Variants in CPNE5 observed in about 807,000 individuals in gnomAD.
The protein encoded by CPNE5 is copine-5.
Under a neutral mutation model 81.1 loss-of-function variants are expected in CPNE5, and 42 were observed. That is an observed-to-expected ratio of 0.52 (90% confidence interval 0.40 to 0.67). The LOEUF (loss-of-function observed/expected upper bound fraction) is 0.67. CPNE5 is among the 30% of genes least tolerant of loss of function. CPNE5 has a pLI of 0.00. For missense variants in CPNE5, 612 were observed against 815.5 expected (o/e 0.75, Z 3.04); for synonymous variants, 313 against 321.5 (o/e 0.97, Z 0.28).
rs1562084204 is a variant in CPNE5 at position 36,745,443 on chromosome 6, T to C, written c.1273A>G (p.Thr425Ala). 3.7e-6 allele frequency: 6 copies of C among 1,604,906 alleles called. No individual in the cohort carries two copies. The highest frequency in any genetic ancestry group is 5.1e-6 in the Non-Finnish European group (6 of 1,176,440). ...TTGGTGGGGCCGTACAGCTGCACAGTGCGCAGGCTGCGGTGGTAGGCCTCC... is the reference window on the plus strand; with the variant it reads ...TTGGTGGGGCCGTACAGCTGCACAGCGCGCAGGCTGCGGTGGTAGGCCTCC... ...ILEAYHRSLRTVQLYGPTNFA... is the reference protein window; with the variant it reads ...ILEAYHRSLRAVQLYGPTNFA... Residue 425 changes from threonine to alanine, a missense_variant, in exon 17 of 21, where the codon ACT becomes GCT. Thr to Ala is a moderately conservative substitution (Grantham distance 58, BLOSUM62 0). Coordinates refer to ENST00000244751, the MANE Select transcript of CPNE5 (RefSeq NM_020939.2).
At chr6:36,787,606 T>C (rs761606035) in intron 8 of CPNE5, among the ~76,000 whole-genome samples, 3 of 152,128 alleles carry the variant, frequency 2.0e-5, no homozygotes, top group Non-Finnish European at 4.4e-5. Flanking sequence ...TGATTGCCGG[T>C]TGGCATTTCC....
chr6:36,814,715 C>A lies in CPNE5; in HGVS notation c.183+7399G>T, dbSNP rs146726093. On this transcript the variant is annotated intron_variant, in intron 3 of 20. Coordinates refer to ENST00000244751, the MANE Select transcript of CPNE5 (RefSeq NM_020939.2). The stretch of plus-strand genomic sequence containing the variant: ...CAGAAGGGGATGGCGGGGACACATG[C>A]TGTCCAGGAGGGTGCTCAGGTTGGT... Among the ~76,000 whole-genome samples, 245 of 152,302 alleles carry A rather than the reference C, an allele frequency of 1.6e-3. 1 individual carries two copies. Among genetic ancestry groups the A allele is most frequent in the African/African-American group, 5.4e-3 (226 of 41,564 alleles).
At chr6:36,828,531 T>C (rs927776842) in intron 1 of CPNE5, among the ~76,000 whole-genome samples, 6 of 152,180 alleles carry the variant, frequency 3.9e-5, no homozygotes, top group Non-Finnish European at 8.8e-5. Flanking sequence ...CCAGAAGTGC[T>C]GCATCAATGC....
At chr6:36,749,672 AAC>A (rs1491120283) in intron 14 of CPNE5, among the ~76,000 whole-genome samples, 1 of 150,248 alleles carries the variant, frequency 6.7e-6, no homozygotes, top group African/African-American at 2.4e-5. Context: ...AAAAAAAAAA[AAC>A]CCACTAAAAT....
chr6:36,786,843 G>A (rs576121739), intron 8 of CPNE5, among the ~76,000 whole-genome samples: 33 of 152,284 alleles, frequency 2.2e-4, no homozygotes, highest in African/African-American at 6.7e-4. Context: ...ACATCAAAAT[G>A]TCAACAGTGA....
intron 4 of CPNE5, among the ~76,000 whole-genome samples, chr6:36,798,727 G>C (rs931736766): frequency 6.6e-6 from 1 of 152,112 alleles, no homozygotes. Context: ...AAAATGCATC[G>C]TGGAGTAGGC....
chr6:36,761,327 T>G (rs1211403717), intron 12 of CPNE5, among the ~76,000 whole-genome samples: 1 of 152,234 alleles, frequency 6.6e-6, no homozygotes, highest in Non-Finnish European at 1.5e-5. Context: ...ATCTTCACAA[T>G]AGCCATGTTC....
intron 10 of CPNE5, among the ~76,000 whole-genome samples, chr6:36,768,315 A>T (rs192560762): frequency 4.9e-4 from 67 of 135,378 alleles, no homozygotes; most frequent in African/African-American, 1.7e-3. Flanking sequence ...GCTCACTGCA[A>T]CCTCCACCTC....
intron 3 of CPNE5, among the ~76,000 whole-genome samples, chr6:36,803,648 A>T (rs539056954): frequency 6.6e-6 from 1 of 152,172 alleles, no homozygotes; most frequent in Admixed American, 6.5e-5. Flanking sequence ...ATTCCTGATC[A>T]CCTATATGTG....
intron 3 of CPNE5, among the ~76,000 whole-genome samples, chr6:36,809,477 G>A (rs1770903898): frequency 6.6e-6 from 1 of 152,158 alleles, no homozygotes; most frequent in Non-Finnish European, 1.5e-5. Flanking sequence ...TTGGGAGGCT[G>A]AGGCAGAAGG....
At chr6:36,838,477 G>A (rs773753622) in intron 1 of CPNE5, among the ~76,000 whole-genome samples, 3 of 152,234 alleles carry the variant, frequency 2.0e-5, no homozygotes, top group Non-Finnish European at 4.4e-5. Flanking sequence ...CTAGCTAGGA[G>A]AACCTGGGGT....
intron 18 of CPNE5, 62 bp downstream of exon 18, chr6:36,744,986 T>C (rs1582680694): frequency 1.7e-6 from 2 of 1,174,476 alleles, no homozygotes; most frequent in Admixed American, 1.7e-5. Flanking sequence ...TCCCCAGGGT[T>C]CCCCTAACGG....
chr6:36,745,360 G>A, intron 17 of CPNE5, 28 bp downstream of exon 17: 1 of 1,596,428 alleles, frequency 6.3e-7, no homozygotes, highest in Non-Finnish European at 8.5e-7. Flanking sequence ...CCTTGTGAGT[G>A]CCTGGAGGCG....
intron 6 of CPNE5, 86 bp downstream of exon 6, chr6:36,798,079 G>T: frequency 1.0e-6 from 1 of 991,764 alleles, no homozygotes; most frequent in South Asian, 1.4e-5. Context: ...ATAGCCAGCT[G>T]ACTGCTTTGT....
intron 3 of CPNE5, among the ~76,000 whole-genome samples, chr6:36,801,999 T>C (rs1770148340): frequency 6.6e-6 from 1 of 152,080 alleles, no homozygotes; most frequent in Non-Finnish European, 1.5e-5. Flanking sequence ...GGTGGGCGGA[T>C]CACGAGGTCA....
chr6:36,826,549 C>T (rs948626304), intron 1 of CPNE5, among the ~76,000 whole-genome samples: 3 of 152,236 alleles, frequency 2.0e-5, no homozygotes, highest in African/African-American at 7.2e-5. Context: ...GACCCCATTA[C>T]ATACTCTGTA....
chr6:36,767,102 C>T (rs989106163), intron 10 of CPNE5, among the ~76,000 whole-genome samples: 4 of 152,194 alleles, frequency 2.6e-5, no homozygotes, highest in Non-Finnish European at 4.4e-5. Context: ...GTGATCCACC[C>T]GTCTCGGCCT....
chr6:36,751,334 G>C (rs188969383), intron 14 of CPNE5, among the ~76,000 whole-genome samples: 164 of 152,348 alleles, frequency 1.1e-3, no homozygotes, highest in African/African-American at 3.9e-3. Flanking sequence ...AGGCAGGCTA[G>C]ACTGATTCAT....
chr6:36,798,118 T>C (rs1457244096), intron 6 of CPNE5, 47 bp downstream of exon 6: 3 of 1,474,142 alleles, frequency 2.0e-6, no homozygotes, highest in Non-Finnish European at 2.8e-6. Context: ...CCCAGCAGAA[T>C]GGGCGGGAAG....
Sources: gnomAD v4.1 joint callset for allele counts (sites outside exome capture counted in the v4.1 genomes callset) on GRCh38, gnomAD v4.1.1 for gene constraint, MANE v1.5 for transcripts, NCBI Gene and HGNC (gene_info 2026-07-23, HGNC 2026-07-21) for gene names.